OIT3: variants seen among roughly 807,000 people sequenced by gnomAD.
OIT3 encodes oncoprotein-induced transcript 3 protein.
In OIT3, 41 loss-of-function variants were observed where a neutral mutation model predicts 52.2. That is an observed-to-expected ratio of 0.79 (90% CI 0.61 to 1.02). OIT3 has a LOEUF of 1.02. Ranked by LOEUF, OIT3 falls within the 50% of genes least tolerant of loss-of-function variation. OIT3 has a pLI of 0.00. For synonymous variants in OIT3, 244 were observed against 276.9 expected (o/e 0.88, Z 1.18); for missense variants, 634 against 715.5 (o/e 0.89, Z 1.30).
intron 6 of OIT3, among the ~76,000 whole-genome samples, chr10:72,914,353 C>G (rs191121920): frequency 1.3e-5 from 2 of 152,164 alleles, no homozygotes; most frequent in African/African-American, 2.4e-5. Flanking sequence ...CTGACAGCAA[C>G]TTGCAAGATG....
At chr10:72,925,913 C>T (rs145944961) in intron 7 of OIT3, among the ~76,000 whole-genome samples, 1 of 152,246 alleles carries the variant, frequency 6.6e-6, no homozygotes, top group Non-Finnish European at 1.5e-5. Flanking sequence ...GGCCCCTGCA[C>T]TTGTTTTATA....
At chr10:72,921,111 G>C (rs1037378818) in intron 6 of OIT3, among the ~76,000 whole-genome samples, 3 of 152,142 alleles carry the variant, frequency 2.0e-5, no homozygotes, top group African/African-American at 7.2e-5. Flanking sequence ...CCCTGTGTTG[G>C]GTGCATATAT....
intron 4 of OIT3, among the ~76,000 whole-genome samples, chr10:72,909,476 C>T (rs1295506974): frequency 3.3e-5 from 5 of 151,798 alleles, no homozygotes; most frequent in African/African-American, 1.2e-4. Context: ...CTGTGTGTAC[C>T]CATTGTTTAG....
intron 7 of OIT3, among the ~76,000 whole-genome samples, chr10:72,926,634 C>T (rs1564596773): frequency 1.3e-5 from 2 of 152,154 alleles, no homozygotes; most frequent in African/African-American, 2.4e-5. Context: ...CCTCCTTAAG[C>T]TCATTTTCAT....
rs552120374 is a variant in OIT3, at chr10:72,932,429, C to T, written c.1543C>T (p.Arg515Trp). 3.3e-5 allele frequency: 54 copies of T among 1,614,126 alleles called. No homozygotes were observed. Among genetic ancestry groups the T allele is most frequent in the East Asian group, 3.1e-4 (14 of 44,884 alleles). ...TTCCCGCTGTGCCCAGGGTTGCCAC[C>T]GGCGAATGCGTCGTGGGGCAGGAGG... ...ERSRCAQGCHRRMRRGAGGED... is the reference protein window; with the variant it reads ...ERSRCAQGCHWRMRRGAGGED... The change falls in exon 9 of 9, where the codon CGG (arginine) becomes TGG (tryptophan). Residue 515 changes from arginine (R) to tryptophan (W), a missense_variant. Physicochemically the swap from Arg to Trp is moderately radical, Grantham distance 101 (BLOSUM62 -3). Coordinates refer to ENST00000334011, the MANE Select transcript of OIT3 (RefSeq NM_152635.3).
intron 5 of OIT3, among the ~76,000 whole-genome samples, chr10:72,912,643 G>T (rs1312437471): frequency 1.3e-5 from 2 of 151,924 alleles, no homozygotes; most frequent in Non-Finnish European, 1.5e-5. Flanking sequence ...ACCTATTTTT[G>T]ATTTCTTTGC....
At chr10:72,919,170 C>T (rs117962307) in intron 6 of OIT3, among the ~76,000 whole-genome samples, 2,033 of 152,212 alleles carry the variant, frequency 0.013, 18 homozygotes, top group Non-Finnish European at 0.024. Context: ...TTTCACTTCT[C>T]TTGTTAGCTG....
chr10:72,893,925 G>A, intron 1 of OIT3, 66 bp downstream of exon 1: 1 of 1,163,530 alleles, frequency 8.6e-7, no homozygotes, highest in Admixed American at 2.1e-5. Context: ...ATAATGTACA[G>A]ATGATTAAGA....
At chr10:72,920,757 C>T (rs1286402502) in intron 6 of OIT3, among the ~76,000 whole-genome samples, 1 of 152,156 alleles carries the variant, frequency 6.6e-6, no homozygotes, top group Admixed American at 6.6e-5. Context: ...ATTTCTTAGT[C>T]TTGAGTTCTA....
chr10:72,905,703 C>T (rs1168695489), intron 3 of OIT3, among the ~76,000 whole-genome samples: 1 of 152,176 alleles, frequency 6.6e-6, no homozygotes, highest in Non-Finnish European at 1.5e-5. Context: ...TTGGGGCTTC[C>T]ATTGCTTGTG....
intron 7 of OIT3, among the ~76,000 whole-genome samples, chr10:72,926,201 G>C (rs575769509): frequency 3.0e-4 from 46 of 152,282 alleles, no homozygotes; most frequent in African/African-American, 1.1e-3. Flanking sequence ...CCCTCTGCTG[G>C]GTGGCCTGCA....
In OIT3 at chr10:72,932,637, A is replaced by G. The variant is rs1846228400; in HGVS notation, c.*113A>G. On this transcript the variant is annotated 3_prime_UTR_variant, in exon 9 of 9. Coordinates refer to ENST00000334011, the MANE Select transcript of OIT3 (RefSeq NM_152635.3). ...AGCTGGGTTCAGACTTCACACTGTG[A>G]GTTCAGACTCCCAGCACCAACTCAC... 2.2e-6 allele frequency: 2 copies of G among 916,894 alleles called. No homozygotes were observed. Among genetic ancestry groups the G allele is most frequent in the African/African-American group, 1.7e-5 (1 of 59,672 alleles). 56.8% of individuals were successfully genotyped at this position (916,894 alleles called of 1,614,324 possible). A position where few individuals can be genotyped will look rare whatever the true frequency, so the allele number is the denominator to read the frequency against.
chr10:72,924,321 C>T lies in OIT3; in HGVS notation c.1044C>T (p.Ser348=). The T allele has an allele frequency of 6.2e-7, 1 of 1,614,170 alleles. No homozygotes were observed. The change falls in exon 7 of 9, where the codon AGC becomes AGT. Residue 348 remains serine, a synonymous_variant. Transcript: ENST00000334011. ...GCGGGGACTTCATCATCCGAACCAG[C>T]AAGCTGCTGATCCCGGTGACCTGCG... is the stretch of plus-strand genomic sequence containing the variant. The part of the protein sequence containing the change: ...GSSGDFIIRT[S]KLLIPVTCEF...
At chr10:72,895,441 A>G (rs1845867333) in intron 1 of OIT3, among the ~76,000 whole-genome samples, 1 of 152,166 alleles carries the variant, frequency 6.6e-6, no homozygotes, top group Non-Finnish European at 1.5e-5. Flanking sequence ...CAGAAGCATG[A>G]TAAAGGGGGA....
Position 72,932,352 on chromosome 10 carries a change from A to G in OIT3, c.1468-2A>G, listed in dbSNP as rs2132953484. 1.2e-6 allele frequency: 2 copies of G among 1,614,070 alleles called. No individual in the cohort carries two copies. Among genetic ancestry groups the G allele is most frequent in the Non-Finnish European group, 1.7e-6 (2 of 1,179,886 alleles). ...TATTAACAGTCGTGATCATCTCTTC[A>G]GGAAGTGTTTCTGCACTGCCGGGTT... On this transcript the variant is annotated splice_acceptor_variant, in intron 8 of 8. Coordinates refer to ENST00000334011, the MANE Select transcript of OIT3 (RefSeq NM_152635.3). LOFTEE classifies it high-confidence loss of function.
intron 7 of OIT3, among the ~76,000 whole-genome samples, chr10:72,929,854 T>C (rs1466363810): frequency 6.6e-6 from 1 of 152,174 alleles, no homozygotes; most frequent in Non-Finnish European, 1.5e-5. Context: ...GGAGTGCTTC[T>C]TTTCCCCCAG....
At chr10:72,922,308 G>C (rs1362948274) in intron 6 of OIT3, among the ~76,000 whole-genome samples, 4 of 151,536 alleles carry the variant, frequency 2.6e-5, no homozygotes, top group Non-Finnish European at 5.9e-5. Flanking sequence ...AGCTCTTTCA[G>C]GTACCCCAAT....
rs905556838 is a variant in OIT3 at position 72,932,724 on chromosome 10, G to T, written c.*200G>T. 2.0e-6 allele frequency: 1 copy of T among 490,092 alleles called. No individual in the cohort carries two copies. Among genetic ancestry groups the T allele is most frequent in the African/African-American group, 2.0e-5 (1 of 50,228 alleles). 30.4% of individuals were successfully genotyped at this position (490,092 alleles called of 1,614,324 possible). On this transcript the variant is annotated 3_prime_UTR_variant, in exon 9 of 9. Coordinates refer to ENST00000334011, the MANE Select transcript of OIT3 (RefSeq NM_152635.3). ...CACTGCTGAACAATGTGGCCTGGGT[G>T]GGGTTTCATCTTTCTAGGGTTGAAA...
At chr10:72,907,942 A>C (rs1456671027) in intron 4 of OIT3, among the ~76,000 whole-genome samples, 2 of 152,122 alleles carry the variant, frequency 1.3e-5, no homozygotes, top group Non-Finnish European at 2.9e-5. Context: ...AATTATCACA[A>C]CTAAAATTCC....
Sources: gnomAD v4.1 joint callset for allele counts (sites outside exome capture counted in the v4.1 genomes callset) on GRCh38, gnomAD v4.1.1 for gene constraint, MANE v1.5 for transcripts, NCBI Gene and HGNC (gene_info 2026-07-23, HGNC 2026-07-21) for gene names.